The following GCNT1 variants were observed in gnomAD, a reference collection of about 807,000 sequenced individuals.
The protein encoded by GCNT1 is beta-1,3-galactosyl-O-glycosyl-glycoprotein beta-1,6-N-acetylglucosaminyltransferase.
In GCNT1, 16 loss-of-function variants were observed where a neutral mutation model predicts 26.2. The observed-to-expected ratio is 0.61, with a 90% CI of 0.41 to 0.93. GCNT1 has a LOEUF of 0.93. Ranked by LOEUF, GCNT1 falls within the 40% of genes least tolerant of loss-of-function variation. The pLI, the probability that GCNT1 is intolerant of heterozygous loss-of-function variation, is 0.00. For synonymous variants in GCNT1, 183 were observed against 190.8 expected (o/e 0.96, Z 0.34); for missense variants, 477 against 526.7 (o/e 0.91, Z 0.92).
At chr9:76,465,322 G>A (rs1275603130) in intron 2 of GCNT1, among the ~76,000 whole-genome samples, 3 of 151,956 alleles carry the variant, frequency 2.0e-5, no homozygotes, top group Non-Finnish European at 4.4e-5. Flanking sequence ...CGGGGTTTCA[G>A]CATATTGGCC....
At chr9:76,501,222 A>G (rs1003067110) in intron 3 of GCNT1, among the ~76,000 whole-genome samples, 161 bp downstream of exon 3, 1 of 152,210 alleles carries the variant, frequency 6.6e-6, no homozygotes, top group Non-Finnish European at 1.5e-5. Flanking sequence ...CTTGTTATGA[A>G]CAGATTTATA....
At chr9:76,476,946 T>C (rs1257924146) in intron 2 of GCNT1, among the ~76,000 whole-genome samples, 3 of 152,146 alleles carry the variant, frequency 2.0e-5, no homozygotes, top group Non-Finnish European at 4.4e-5. Flanking sequence ...AGAGTCTTAC[T>C]CTGTCACCAG....
intron 2 of GCNT1, among the ~76,000 whole-genome samples, chr9:76,477,357 C>T (rs900570739): frequency 1.3e-5 from 2 of 151,936 alleles, no homozygotes; most frequent in Non-Finnish European, 2.9e-5. Context: ...GAAACCCCGT[C>T]TCTATTAAAA....
intron 2 of GCNT1, among the ~76,000 whole-genome samples, chr9:76,473,923 A>T (rs1212638008): frequency 6.6e-6 from 1 of 152,100 alleles, no homozygotes; most frequent in Non-Finnish European, 1.5e-5. Context: ...ACAGTGCAAG[A>T]CCTTGCCTCT....
Position 76,491,854 on chromosome 9 carries a change from G to A in GCNT1, c.-289-9062G>A, listed in dbSNP as rs543641914. On this transcript the variant is annotated intron_variant, in intron 2 of 3. Transcript: ENST00000376730. ...AAGCACCGGTCCCTCAAGGAGTAGC[G>A]CCTGGTATCTAAGTAGGCAGTTGTC... 6.6e-5 allele frequency among the ~76,000 whole-genome samples: 10 copies of A among 152,264 alleles called. No homozygotes were observed. In the South Asian group the frequency reaches 1.7e-3, roughly 25 times the overall value.
chr9:76,486,741 G>A (rs1824587196), intron 2 of GCNT1, among the ~76,000 whole-genome samples: 1 of 152,080 alleles, frequency 6.6e-6, no homozygotes, highest in African/African-American at 2.4e-5. Flanking sequence ...GCAAGTTTGT[G>A]GGGAACTAGA....
chr9:76,439,705 A>G (rs1481502164), upstream of GCNT1, among the ~76,000 whole-genome samples: 2 of 152,170 alleles, frequency 1.3e-5, no homozygotes, highest in African/African-American at 4.8e-5. Context: ...CTCTCCTTGC[A>G]CTAATATGAA....
chr9:76,494,946 A>C (rs1824861933), intron 2 of GCNT1, among the ~76,000 whole-genome samples: 1 of 152,146 alleles, frequency 6.6e-6, no homozygotes, highest in Non-Finnish European at 1.5e-5. Flanking sequence ...TTTTCAGGCA[A>C]ACCAACACTC....
intron 2 of GCNT1, among the ~76,000 whole-genome samples, chr9:76,484,292 C>T (rs1405653761): frequency 1.3e-5 from 2 of 151,492 alleles, no homozygotes; most frequent in East Asian, 1.9e-4. Context: ...TGGAAGGATC[C>T]CCAGGAGTTT....
chr9:76,470,042 T>A (rs1824096439), intron 2 of GCNT1, among the ~76,000 whole-genome samples: 2 of 152,180 alleles, frequency 1.3e-5, no homozygotes, highest in South Asian at 4.1e-4. Flanking sequence ...AAGGGTACTC[T>A]TAGGGTCTAT....
At chr9:76,459,475 G>C (rs897170142) in intron 1 of GCNT1, among the ~76,000 whole-genome samples, 170 bp downstream of exon 1, 5 of 152,148 alleles carry the variant, frequency 3.3e-5, no homozygotes, top group African/African-American at 1.2e-4. Flanking sequence ...GACCGGAATG[G>C]AGCGGCGCCT....
At chr9:76,462,024 G>GAT (rs1823881636) in intron 2 of GCNT1, among the ~76,000 whole-genome samples, 1 of 152,188 alleles carries the variant, frequency 6.6e-6, no homozygotes, top group African/African-American at 2.4e-5. Flanking sequence ...CTGTGATGTA[G>GAT]ATATTGTACA....
At chr9:76,403,280 C>T in the GCNT1 span, among the ~76,000 whole-genome samples, 1 of 152,268 alleles carries the variant, frequency 6.6e-6, no homozygotes, top group East Asian at 1.9e-4. Flanking sequence ...TTTTAAAAAT[C>T]GATACTCCAC....
chr9:76,454,842 CTTTTTTTTTT>C (rs1183951605), upstream of GCNT1, among the ~76,000 whole-genome samples: 1 of 105,658 alleles, frequency 9.5e-6, no homozygotes, highest in Non-Finnish European at 1.8e-5. Flanking sequence ...CTTTTCTTTT[CTTTTTTTTTT>C]TTTTTTTTTT....
At chr9:76,494,229 C>T (rs1824838335) in intron 2 of GCNT1, among the ~76,000 whole-genome samples, 1 of 152,122 alleles carries the variant, frequency 6.6e-6, no homozygotes, top group African/African-American at 2.4e-5. Flanking sequence ...TTCTTGAAAA[C>T]CTGCACCCTT....
At chr9:76,394,106 C>A in the GCNT1 span, 1 of 1,608,098 alleles carries the variant, frequency 6.2e-7, no homozygotes. Flanking sequence ...GGATGCCCAG[C>A]TGCTTGGAGC....
the GCNT1 span, among the ~76,000 whole-genome samples, chr9:76,414,363 T>C: frequency 1.3e-5 from 2 of 152,160 alleles, no homozygotes; most frequent in African/African-American, 4.8e-5. Flanking sequence ...TATGGTCCTA[T>C]CGTTACCAGA....
At chr9:76,418,080 C>T (rs1044590645), upstream of GCNT1, among the ~76,000 whole-genome samples, 1 of 152,104 alleles carries the variant, frequency 6.6e-6, no homozygotes, top group Non-Finnish European at 1.5e-5. Context: ...AGACATCAAT[C>T]AAATACACGT....
intron 2 of GCNT1, among the ~76,000 whole-genome samples, chr9:76,474,051 G>A (rs781768212): frequency 1.3e-5 from 2 of 152,110 alleles, no homozygotes; most frequent in Non-Finnish European, 2.9e-5. Context: ...AGTAAGCTTT[G>A]GTTACGCCAC....
Sources: gnomAD v4.1 joint callset for allele counts (sites outside exome capture counted in the v4.1 genomes callset) on GRCh38, gnomAD v4.1.1 for gene constraint, MANE v1.5 for transcripts, NCBI Gene and HGNC (gene_info 2026-07-23, HGNC 2026-07-21) for gene names.